The following CHODL variants were observed in gnomAD, a reference collection of about 807,000 sequenced individuals.
CHODL encodes the protein chondrolectin, also known as transmembrane protein MT75.
In CHODL, 29 loss-of-function variants were observed where a neutral mutation model predicts 34.5. That is an observed-to-expected ratio of 0.84 (90% CI 0.63 to 1.15). The LOEUF (loss-of-function observed/expected upper bound fraction) is 1.15, where lower values mean the gene tolerates loss of function less well. Ranked by LOEUF, CHODL falls within the 50% of genes most tolerant of loss-of-function variation. The pLI is 0.00. For synonymous variants in CHODL, 125 were observed against 116.1 expected, an observed-to-expected ratio of 1.08 and a Z score of -0.49; for missense variants, 332 against 332.5, an observed-to-expected ratio of 1.00 and a Z score of 0.01.
chr21:18,246,128 T>C (rs2074138900), intron 1 of CHODL, among the ~76,000 whole-genome samples: 1 of 152,216 alleles, frequency 6.6e-6, no homozygotes, highest in Non-Finnish European at 1.5e-5. Context: ...TGGGACGGTC[T>C]CTTCAAAAGG....
At chr21:17,984,481 T>C (rs1283466502) in intron 1 of CHODL, among the ~76,000 whole-genome samples, 1 of 152,202 alleles carries the variant, frequency 6.6e-6, no homozygotes, top group African/African-American at 2.4e-5. Flanking sequence ...ATTCTCTTTA[T>C]ATAGGATAGA....
intron 2 of CHODL, among the ~76,000 whole-genome samples, chr21:18,218,922 T>C (rs959981359): frequency 6.6e-6 from 1 of 152,198 alleles, no homozygotes; most frequent in Non-Finnish European, 1.5e-5. Flanking sequence ...ATTTAACAAG[T>C]CTCTAGGAAG....
intron 1 of CHODL, among the ~76,000 whole-genome samples, chr21:17,978,414 T>A (rs1374759135): frequency 2.5e-5 from 3 of 120,946 alleles, no homozygotes; most frequent in Non-Finnish European, 5.0e-5. Context: ...AGAGCGAGAC[T>A]CCGTATCAAA....
At chr21:18,243,851 A>T (rs2074104869), upstream of CHODL, among the ~76,000 whole-genome samples, 1 of 152,222 alleles carries the variant, frequency 6.6e-6, no homozygotes, top group South Asian at 2.1e-4. Flanking sequence ...CAAAGACAGG[A>T]GGAAGTTAGA....
intron 1 of CHODL, among the ~76,000 whole-genome samples, chr21:18,002,045 C>A (rs1415544174): frequency 2.0e-5 from 3 of 152,058 alleles, no homozygotes; most frequent in Non-Finnish European, 4.4e-5. Context: ...TGTGTCTGTT[C>A]CAGTAACTCA....
chr21:18,246,013 G>T (rs1325459638), intron 1 of CHODL: 4 of 1,317,000 alleles, frequency 3.0e-6, no homozygotes, highest in Non-Finnish European at 4.2e-6. Flanking sequence ...ATGGGAAATC[G>T]ATCAAAATTG....
At chr21:18,168,925 G>C (rs2073190630) in intron 2 of CHODL, among the ~76,000 whole-genome samples, 1 of 151,864 alleles carries the variant, frequency 6.6e-6, no homozygotes, top group African/African-American at 2.4e-5. Flanking sequence ...GGTTTATTTT[G>C]AACCACTTCT....
intron 2 of CHODL, among the ~76,000 whole-genome samples, chr21:18,065,140 A>T (rs2064715828): frequency 6.6e-6 from 1 of 152,168 alleles, no homozygotes; most frequent in African/African-American, 2.4e-5. Context: ...TGCTCTTGAA[A>T]CACAAATGGC....
At chr21:18,074,568 G>A (rs1052744403) in intron 2 of CHODL, among the ~76,000 whole-genome samples, 1 of 152,062 alleles carries the variant, frequency 6.6e-6, no homozygotes, top group Non-Finnish European at 1.5e-5. Flanking sequence ...AAAAGTTTTC[G>A]CTTGACTAAT....
At chr21:18,041,237 A>G (rs2064372181) in intron 2 of CHODL, among the ~76,000 whole-genome samples, 1 of 151,920 alleles carries the variant, frequency 6.6e-6, no homozygotes, top group Non-Finnish European at 1.5e-5. Flanking sequence ...ACTCAAAAGG[A>G]TGGCCTATGG....
chr21:17,986,402 A>T (rs2063754116), intron 1 of CHODL, among the ~76,000 whole-genome samples: 1 of 151,832 alleles, frequency 6.6e-6, no homozygotes, highest in South Asian at 2.1e-4. Flanking sequence ...CTTATGAGTG[A>T]GAACATGAGG....
intron 2 of CHODL, among the ~76,000 whole-genome samples, chr21:18,090,670 A>T (rs971772980): frequency 8.6e-5 from 13 of 151,734 alleles, no homozygotes; most frequent in Non-Finnish European, 1.5e-4. Context: ...AAAGGAAAAT[A>T]AAAAAATGTA....
intron 2 of CHODL, among the ~76,000 whole-genome samples, chr21:18,078,054 C>T (rs565374838): frequency 5.3e-5 from 8 of 152,262 alleles, no homozygotes; most frequent in Non-Finnish European, 8.8e-5. Flanking sequence ...GCCATTTACA[C>T]GATATCTCTT....
intron 2 of CHODL, among the ~76,000 whole-genome samples, chr21:18,234,774 T>C (rs1174356746): frequency 1.3e-5 from 2 of 152,096 alleles, no homozygotes; most frequent in Non-Finnish European, 2.9e-5. Flanking sequence ...TAGACATCTT[T>C]GGCGTTGAGT....
intron 2 of CHODL, among the ~76,000 whole-genome samples, chr21:18,174,161 A>ATATATATATATATCTTGGTAT (rs2073276201): frequency 2.3e-5 from 2 of 85,656 alleles, no homozygotes; most frequent in Non-Finnish European, 3.1e-5. Flanking sequence ...ATATATATAT[A>ATATATATATATATCTTGGTAT]AAATCAAGTC....
chr21:18,154,652 G>A (rs548948416), intron 2 of CHODL, among the ~76,000 whole-genome samples: 1 of 152,182 alleles, frequency 6.6e-6, no homozygotes, highest in South Asian at 2.1e-4. Context: ...TCCCTTCATA[G>A]AAATACTCAG....
chr21:17,961,131 A>G lies in CHODL; in HGVS notation c.-145+43731A>G, dbSNP rs145696520. ...TTCTATAAATGCTTACTGACTGAAC[A>G]GTACACTGTATCTGGATGTTCACCT... On this transcript the variant is annotated intron_variant, in intron 1 of 6. Coordinates refer to the CHODL transcript ENST00000400127. 9.6e-4 allele frequency among the ~76,000 whole-genome samples: 146 copies of G among 152,300 alleles called. 2 individuals carry two copies. Among genetic ancestry groups the G allele is most frequent in the African/African-American group, 3.5e-3 (145 of 41,558 alleles).
intron 2 of CHODL, among the ~76,000 whole-genome samples, chr21:18,047,302 G>A (rs1180943503): frequency 6.6e-6 from 1 of 151,842 alleles, no homozygotes; most frequent in Non-Finnish European, 1.5e-5. Context: ...TGATATATAG[G>A]AGGCCTGGCA....
intron 2 of CHODL, among the ~76,000 whole-genome samples, chr21:18,127,538 A>C (rs1189500311): frequency 6.6e-6 from 1 of 152,192 alleles, no homozygotes; most frequent in Non-Finnish European, 1.5e-5. Context: ...GGCAACTTAC[A>C]CATCAATAAG....
Sources: gnomAD v4.1 joint callset for allele counts (sites outside exome capture counted in the v4.1 genomes callset) on GRCh38, gnomAD v4.1.1 for gene constraint, MANE v1.5 for transcripts, NCBI Gene and HGNC (gene_info 2026-07-23, HGNC 2026-07-21) for gene names.